The following TNFAIP8 variants were observed in gnomAD, a reference collection of about 807,000 sequenced individuals.
TNFAIP8 encodes the protein TNF alpha induced protein 8.
TNFAIP8 carries 7 observed loss-of-function variants against 13.3 expected under a neutral mutation model. The ratio of observed to expected loss-of-function variants is 0.52; its 90% confidence interval spans 0.30 to 0.99. TNFAIP8 has a LOEUF of 0.99. Among genes scored for constraint, TNFAIP8 ranks in the 50% least tolerant of loss-of-function variants. TNFAIP8 has a pLI of 0.07. For synonymous variants in TNFAIP8, 94 were observed against 87.6 expected (o/e 1.07, Z -0.41); for missense variants, 258 against 236.9 (o/e 1.09, Z -0.58).
In TNFAIP8 at chr5:119,341,119, A is replaced by G. The variant is rs192097789; in HGVS notation, c.2-51697A>G. Among the ~76,000 whole-genome samples, 12 of 148,278 alleles carry G rather than the reference A, an allele frequency of 8.1e-5. No individual in the cohort carries two copies. The East Asian group carries it at 1.8e-3, about 22-fold the overall frequency. ...TTTTTTTTTTTTAAATCTGATTACA[A>G]TGGTGTTGCACACTGTTGTGGTTTA... is the stretch of plus-strand genomic sequence containing the variant. On this transcript the variant is annotated intron_variant, in intron 1 of 1. Coordinates refer to the TNFAIP8 transcript ENST00000274456.
At chr5:119,318,266 A>G (rs1040259320) in intron 1 of TNFAIP8, among the ~76,000 whole-genome samples, 7 of 150,444 alleles carry the variant, frequency 4.7e-5, no homozygotes, top group Admixed American at 1.3e-4. Context: ...TTAGTGCTCT[A>G]TATCAGCCTT....
At chr5:119,333,044 T>G in intron 1 of TNFAIP8, 1 of 163,622 alleles carries the variant, frequency 6.1e-6, no homozygotes, top group Non-Finnish European at 1.1e-5. Context: ...AGGAATGAGG[T>G]GTTTTTTTTA....
intron 1 of TNFAIP8, among the ~76,000 whole-genome samples, chr5:119,376,516 C>G (rs923153047): frequency 8.6e-5 from 13 of 151,940 alleles, no homozygotes; most frequent in Non-Finnish European, 1.2e-4. Context: ...TATTTGTAGC[C>G]TCTTATTTCG....
At chr5:119,314,975 G>A (rs1311071975) in intron 1 of TNFAIP8, among the ~76,000 whole-genome samples, 1 of 152,158 alleles carries the variant, frequency 6.6e-6, no homozygotes, top group Non-Finnish European at 1.5e-5. Flanking sequence ...TCCACCTCCC[G>A]GGTTCAAGCA....
intron 1 of TNFAIP8, among the ~76,000 whole-genome samples, chr5:119,323,175 A>C (rs1316303287): frequency 1.3e-5 from 2 of 152,060 alleles, no homozygotes; most frequent in African/African-American, 4.8e-5. Flanking sequence ...CACCCCCTAC[A>C]CTTTCTCCAG....
At chr5:119,376,733 CCAA>C (rs1386085997) in intron 1 of TNFAIP8, among the ~76,000 whole-genome samples, 1 of 152,228 alleles carries the variant, frequency 6.6e-6, no homozygotes, top group Middle Eastern at 3.4e-3. Flanking sequence ...TAAGCAGTTT[CCAA>C]CAGCAGTTAG....
At chr5:119,341,203 C>T (rs1334455309) in intron 1 of TNFAIP8, among the ~76,000 whole-genome samples, 1 of 151,806 alleles carries the variant, frequency 6.6e-6, no homozygotes, top group Non-Finnish European at 1.5e-5. Context: ...TGAAACAGCA[C>T]CAGAACTCCA....
Position 119,395,189 on chromosome 5 carries a change from A to G in TNFAIP8, c.*1808A>G, listed in dbSNP as rs769873956. ...TTCCTAGAGCCAGTAGGTGATCAGT[A>G]TATGCTGTAACAATAACACAGTGAC... On this transcript the variant is annotated 3_prime_UTR_variant, in exon 2 of 2. Transcript: ENST00000504771. 2.6e-5 allele frequency: 4 copies of G among 152,222 alleles called. No homozygotes were observed. The highest frequency in any genetic ancestry group is 5.9e-5 in the Non-Finnish European group (4 of 68,044). The allele number at this position is 152,222 out of a possible 1,614,324, so 9.4% of individuals were successfully genotyped here. A position where few individuals can be genotyped will look rare whatever the true frequency, so the allele number is the denominator to read the frequency against.
intron 1 of TNFAIP8, among the ~76,000 whole-genome samples, chr5:119,381,348 G>A (rs1426862196): frequency 3.3e-5 from 5 of 152,046 alleles, no homozygotes; most frequent in African/African-American, 9.7e-5. Flanking sequence ...CAAGACCATC[G>A]TAGGCAACAT....
intron 1 of TNFAIP8, among the ~76,000 whole-genome samples, chr5:119,297,547 AGGTGT>A (rs1033847171): frequency 4.6e-5 from 7 of 152,150 alleles, no homozygotes; most frequent in African/African-American, 1.7e-4. Context: ...ATTTTGGAAT[AGGTGT>A]GGTGTGGTGC....
chr5:119,344,293 G>A (rs1750827628), intron 1 of TNFAIP8, among the ~76,000 whole-genome samples: 1 of 152,080 alleles, frequency 6.6e-6, no homozygotes, highest in Admixed American at 6.6e-5. Context: ...AGGGGAGGAG[G>A]TACCAGGCTC....
At chr5:119,364,555 C>T (rs1269078665) in intron 1 of TNFAIP8, among the ~76,000 whole-genome samples, 1 of 152,102 alleles carries the variant, frequency 6.6e-6, no homozygotes, top group Non-Finnish European at 1.5e-5. Flanking sequence ...ACTTTGTTGC[C>T]TAGGCTGGTC....
intron 1 of TNFAIP8, among the ~76,000 whole-genome samples, chr5:119,276,975 C>T (rs1026327352): frequency 6.6e-6 from 1 of 152,042 alleles, no homozygotes; most frequent in African/African-American, 2.4e-5. Context: ...TACATATGTA[C>T]CTATGATAAA....
chr5:119,349,185 A>G (rs1562011630), intron 1 of TNFAIP8, among the ~76,000 whole-genome samples: 1 of 152,218 alleles, frequency 6.6e-6, no homozygotes, highest in East Asian at 1.9e-4. Context: ...GACCACACAC[A>G]TTAAATTGCC....
In TNFAIP8 at chr5:119,391,571, C is replaced by A. The variant is rs1188749062; in HGVS notation, c.32-1245C>A. 5.3e-6 allele frequency: 3 copies of A among 563,088 alleles called. No individual in the cohort carries two copies. The East Asian group carries it at 1.0e-4, about 19-fold the overall frequency. The allele number at this position is 563,088 out of a possible 1,614,324, so 34.9% of individuals were successfully genotyped here. On this transcript the variant is annotated intron_variant, in intron 1 of 1. Transcript: ENST00000504771. ...GGCCAGGAGTTCGAGACCAGCCTGG[C>A]CAACATGGTGAAACCCCGTCTCTAC...
intron 1 of TNFAIP8, among the ~76,000 whole-genome samples, chr5:119,298,164 T>G (rs1298682192): frequency 4.6e-5 from 7 of 152,200 alleles, no homozygotes; most frequent in Admixed American, 1.3e-4. Context: ...GTTAGCTGGT[T>G]ATTTTGCTCG....
At chr5:119,273,459 T>C (rs545066993) in intron 1 of TNFAIP8, among the ~76,000 whole-genome samples, 1 of 152,336 alleles carries the variant, frequency 6.6e-6, no homozygotes, top group South Asian at 2.1e-4. Context: ...CAGTGATTGC[T>C]AGCTGCAGGG....
Position 119,398,523 on chromosome 5 carries a change from A to G in TNFAIP8, c.*5142A>G, listed in dbSNP as rs1353610843. On this transcript the variant is annotated 3_prime_UTR_variant, in exon 2 of 2. Transcript: ENST00000504771. Reference sequence around the variant, plus strand: ...TGGTGAAACCCCATCTCTACTAAAAATACAAAATTAGCCGGGTGCAGTGCC... The same window carrying G: ...TGGTGAAACCCCATCTCTACTAAAAGTACAAAATTAGCCGGGTGCAGTGCC... The G allele has an allele frequency of 6.6e-6, 1 of 152,176 alleles. No individual in the cohort carries two copies. Among genetic ancestry groups the G allele is most frequent in the Non-Finnish European group, 1.5e-5 (1 of 68,070 alleles). 9.4% of individuals were successfully genotyped at this position (152,176 alleles called of 1,614,324 possible). A position where few individuals can be genotyped will look rare whatever the true frequency, so the allele number is the denominator to read the frequency against.
At chr5:119,292,808 A>G (rs1223213000) in intron 1 of TNFAIP8, among the ~76,000 whole-genome samples, 1 of 151,550 alleles carries the variant, frequency 6.6e-6, no homozygotes, top group Admixed American at 6.6e-5. Context: ...AAAAGGCTAC[A>G]TACTGTGTGG....
Sources: gnomAD v4.1 joint callset for allele counts (sites outside exome capture counted in the v4.1 genomes callset) on GRCh38, gnomAD v4.1.1 for gene constraint, MANE v1.5 for transcripts, NCBI Gene and HGNC (gene_info 2026-07-23, HGNC 2026-07-21) for gene names.